The following ADGRL3 variants were observed in gnomAD, a reference collection of about 807,000 sequenced individuals.
ADGRL3 encodes adhesion G protein-coupled receptor L3.
In ADGRL3, 62 loss-of-function variants were observed where a neutral mutation model predicts 153.5. That is an observed-to-expected ratio of 0.40 (90% CI 0.33 to 0.50). The LOEUF is 0.50. ADGRL3 is among the 20% of genes least tolerant of loss of function. The probability of loss-of-function intolerance (pLI) is 0.47; values close to 1 mark genes in which losing one functional copy is unlikely to be tolerated. For missense variants in ADGRL3, 1,641 were observed against 1,859.4 expected, an observed-to-expected ratio of 0.88 and a Z score of 2.16; for synonymous variants, 710 against 672.5, an observed-to-expected ratio of 1.06 and a Z score of -0.86.
At chr4:61,545,599 C>T (rs1019551738) in intron 4 of ADGRL3, among the ~76,000 whole-genome samples, 8 of 152,118 alleles carry the variant, frequency 5.3e-5, no homozygotes, top group Non-Finnish European at 1.2e-4. Flanking sequence ...CTGCAACCTC[C>T]GCCTGCCGAG....
intron 2 of ADGRL3, among the ~76,000 whole-genome samples, chr4:61,496,140 T>A (rs1306230895): frequency 7.2e-5 from 11 of 152,226 alleles, no homozygotes; most frequent in Admixed American, 7.2e-4. Context: ...TTTACAGAGA[T>A]GTTTAGAAAA....
At chr4:61,395,710 G>A (rs549819482) in intron 2 of ADGRL3, among the ~76,000 whole-genome samples, 3 of 151,764 alleles carry the variant, frequency 2.0e-5, no homozygotes, top group South Asian at 4.2e-4. Flanking sequence ...GAAAAAAATA[G>A]CCAATTATAA....
intron 6 of ADGRL3, 86 bp from the exon 7 acceptor site, chr4:61,730,536 A>C: frequency 2.9e-6 from 1 of 344,468 alleles, no homozygotes; most frequent in Non-Finnish European, 5.7e-6. Context: ...AGTTTGGAAG[A>C]GGTGAATAAA....
chr4:61,632,217 C>T (rs1336535494), intron 5 of ADGRL3, among the ~76,000 whole-genome samples: 1 of 151,988 alleles, frequency 6.6e-6, no homozygotes, highest in East Asian at 1.9e-4. Context: ...AAATTCCTAC[C>T]TAAAAAAACA....
At chr4:62,001,602 A>C (rs2099140516) in intron 21 of ADGRL3, among the ~76,000 whole-genome samples, 1 of 152,196 alleles carries the variant, frequency 6.6e-6, no homozygotes, top group Non-Finnish European at 1.5e-5. Flanking sequence ...TAATTGCTAA[A>C]GAAAAAAGGA....
rs533047603 is a variant in ADGRL3 at position 62,062,037 on chromosome 4, A to C, written c.3815-6129A>C. Among the ~76,000 whole-genome samples, 16 of 152,154 alleles carry C rather than the reference A, an allele frequency of 1.1e-4. No individual in the cohort carries two copies. In the East Asian group the frequency reaches 2.5e-3, roughly 24 times the overall value. ...ACAAGTAGTTTTATAAGAAACTGCC[A>C]AACTGTTTTCCAGAGCGGCTGTGCT... On this transcript the variant is annotated intron_variant, in intron 25 of 26. Coordinates refer to ENST00000683033, the MANE Select transcript of ADGRL3 (RefSeq NM_001387552.1).
At chr4:61,989,778 T>TATTGGTAC (rs1174561526) in intron 19 of ADGRL3, among the ~76,000 whole-genome samples, 1 of 152,018 alleles carries the variant, frequency 6.6e-6, no homozygotes, top group African/African-American at 2.4e-5. Flanking sequence ...CCTGAGTTCC[T>TATTGGTAC]ATTGGTACCA....
chr4:61,232,796 A>C (rs1287979467), intron 1 of ADGRL3, among the ~76,000 whole-genome samples: 1 of 152,176 alleles, frequency 6.6e-6, no homozygotes, highest in African/African-American at 2.4e-5. Context: ...TATGTAGGTA[A>C]AGACACTCAC....
intron 2 of ADGRL3, among the ~76,000 whole-genome samples, chr4:61,441,618 C>G (rs968547473): frequency 6.6e-6 from 1 of 151,836 alleles, no homozygotes; most frequent in African/African-American, 2.4e-5. Flanking sequence ...CTCCTGGGTT[C>G]AAGCAATTCT....
chr4:61,723,981 A>G (rs1047459870), intron 6 of ADGRL3, among the ~76,000 whole-genome samples: 3 of 152,182 alleles, frequency 2.0e-5, no homozygotes, highest in African/African-American at 7.2e-5. Context: ...GTACACATTC[A>G]GTAACTGTTA....
At chr4:61,777,484 A>G (rs774092330) in intron 8 of ADGRL3, among the ~76,000 whole-genome samples, 7 of 152,196 alleles carry the variant, frequency 4.6e-5, no homozygotes, top group South Asian at 2.1e-4. Context: ...GCTCTTCTGT[A>G]TTATACCAAA....
chr4:61,462,928 A>G (rs1340652988), intron 2 of ADGRL3, among the ~76,000 whole-genome samples: 1 of 152,172 alleles, frequency 6.6e-6, no homozygotes, highest in Non-Finnish European at 1.5e-5. Context: ...CTGTTTCAAC[A>G]GCCCAGTGCT....
intron 4 of ADGRL3, among the ~76,000 whole-genome samples, chr4:61,525,672 G>A (rs1486195914): frequency 3.3e-5 from 5 of 152,206 alleles, no homozygotes; most frequent in Admixed American, 2.6e-4. Flanking sequence ...CAATGGGGAT[G>A]GAAAGAAGAG....
At chr4:61,553,906 T>C (rs1437835167) in intron 4 of ADGRL3, among the ~76,000 whole-genome samples, 1 of 152,112 alleles carries the variant, frequency 6.6e-6, no homozygotes, top group Non-Finnish European at 1.5e-5. Context: ...ATGGAGAGTA[T>C]TTGAGCCCTG....
chr4:61,424,193 A>G (rs938760710), intron 2 of ADGRL3, among the ~76,000 whole-genome samples: 1 of 152,126 alleles, frequency 6.6e-6, no homozygotes, highest in African/African-American at 2.4e-5. Flanking sequence ...GCTCAGAGTC[A>G]GGTGATGAGC....
intron 8 of ADGRL3, among the ~76,000 whole-genome samples, chr4:61,770,382 T>G (rs1402717018): frequency 6.6e-6 from 1 of 152,132 alleles, no homozygotes; most frequent in African/African-American, 2.4e-5. Flanking sequence ...GAAGTTTGCA[T>G]AGCAAAAAGA....
chr4:61,325,583 A>G (rs2095447218), intron 1 of ADGRL3, among the ~76,000 whole-genome samples: 1 of 152,152 alleles, frequency 6.6e-6, no homozygotes, highest in Admixed American at 6.6e-5. Flanking sequence ...AGCATGTCCT[A>G]TAATTCTAGG....
At chr4:61,678,655 T>C (rs1456443340) in intron 6 of ADGRL3, among the ~76,000 whole-genome samples, 2 of 151,992 alleles carry the variant, frequency 1.3e-5, no homozygotes, top group Non-Finnish European at 2.9e-5. Context: ...TAGAGAGTTC[T>C]GATAATCCTG....
chr4:62,001,711 G>T (rs1164825010), intron 21 of ADGRL3, among the ~76,000 whole-genome samples: 2 of 151,976 alleles, frequency 1.3e-5, no homozygotes, highest in Non-Finnish European at 2.9e-5. Flanking sequence ...TATTCAAAAT[G>T]GTATAGTAAA....
Sources: gnomAD v4.1 joint callset for allele counts (sites outside exome capture counted in the v4.1 genomes callset) on GRCh38, gnomAD v4.1.1 for gene constraint, MANE v1.5 for transcripts, NCBI Gene and HGNC (gene_info 2026-07-23, HGNC 2026-07-21) for gene names.